Variants in MFHAS1 observed in about 807,000 individuals in gnomAD.
The protein encoded by MFHAS1 is multifunctional ROCO family signaling regulator 1.
In MFHAS1, 50 loss-of-function variants were observed where a neutral mutation model predicts 70.4. The observed-to-expected ratio is 0.71, with a 90% CI of 0.57 to 0.90. The LOEUF (loss-of-function observed/expected upper bound fraction) is 0.90. Among genes scored for constraint, MFHAS1 ranks in the 40% least tolerant of loss-of-function variants. MFHAS1 has a pLI of 0.00. For synonymous variants in MFHAS1, 952 were observed against 620.0 expected (o/e 1.54, Z -7.96); for missense variants, 1,795 against 1,347.6 (o/e 1.33, Z -5.20).
At position 8,891,577 on chromosome 8, in the gene MFHAS1, T is replaced by G. The variant is rs1166265712; in HGVS notation, c.1482A>C (p.Pro494=). The part of the protein sequence containing the change: ...YEVIQPFFLS[P]GALYVLVVNL... ...TGACCACCAGCACGTATAGGGCCCC[T>G]GGGGACAGGAAGAAGGGCTGGATCA... The change falls in exon 1 of 3, where the codon CCA becomes CCC. Residue 494 remains proline (P), a synonymous_variant. Coordinates refer to ENST00000276282, the MANE Select transcript of MFHAS1 (RefSeq NM_004225.3). The surrounding 1 kb of genome is among the most constrained non-coding windows in gnomAD (Gnocchi z 5.4). 6.2e-7 allele frequency: 1 copy of G among 1,613,250 alleles called. No individual in the cohort carries two copies. The highest frequency in any genetic ancestry group is 2.2e-5 in the East Asian group (1 of 44,872).
At chr8:8,863,562 T>C (rs1808744615) in intron 1 of MFHAS1, among the ~76,000 whole-genome samples, 1 of 152,208 alleles carries the variant, frequency 6.6e-6, no homozygotes, top group African/African-American at 2.4e-5. Context: ...CTTGCACCCG[T>C]GGTCTCTAGT....
intron 1 of MFHAS1, among the ~76,000 whole-genome samples, chr8:8,826,195 C>T (rs1238361523): frequency 6.6e-6 from 1 of 152,040 alleles, no homozygotes; most frequent in Non-Finnish European, 1.5e-5. Context: ...GAGGTAACTA[C>T]TGTTACCCAT....
intron 1 of MFHAS1, among the ~76,000 whole-genome samples, chr8:8,830,615 C>G (rs1190748319): frequency 1.3e-5 from 2 of 152,116 alleles, no homozygotes; most frequent in African/African-American, 4.8e-5. Context: ...CTATATATTT[C>G]TTTTTGAGAT....
rs1316063034 is a variant in MFHAS1 at position 8,801,684 on chromosome 8, G to T, written c.2999-4193C>A. ...ACATAAACTTGATCTTCAAAATAAA[G>T]TGCATTATTTCACTGAGTAACTAAC... On this transcript the variant is annotated intron_variant, in intron 1 of 2. Transcript: ENST00000276282. Among the ~76,000 whole-genome samples, 5 of 152,146 alleles carry T rather than the reference G, an allele frequency of 3.3e-5. 1 individual carries two copies. Among genetic ancestry groups the T allele is most frequent in the Admixed American group, 2.0e-4 (3 of 15,276 alleles).
chr8:8,843,186 G>A (rs1285887198), intron 1 of MFHAS1, among the ~76,000 whole-genome samples: 17 of 151,906 alleles, frequency 1.1e-4, no homozygotes, highest in African/African-American at 2.7e-4. Flanking sequence ...GGAGAATGGC[G>A]TGAACCCCGG....
intron 1 of MFHAS1, among the ~76,000 whole-genome samples, chr8:8,828,800 A>G (rs992495588): frequency 2.6e-5 from 4 of 152,222 alleles, no homozygotes; most frequent in African/African-American, 9.7e-5. Flanking sequence ...AGCATTGAGC[A>G]AAAGTGGAGA....
At position 8,841,462 on chromosome 8, in the gene MFHAS1, C is replaced by G. The variant is rs1436245799; in HGVS notation, c.2999-43971G>C. On this transcript the variant is annotated intron_variant, in intron 1 of 2. Coordinates refer to ENST00000276282, the MANE Select transcript of MFHAS1 (RefSeq NM_004225.3). ...CAGCCTGGGCGACAGATCAAGACTT[C>G]GTCTCAAAAAAAAAAAAAGACTTCT... Among the ~76,000 whole-genome samples, 33 of 131,162 alleles carry G rather than the reference C, an allele frequency of 2.5e-4. No individual in the cohort carries two copies. In the East Asian group the frequency reaches 6.4e-3, roughly 25 times the overall value. The allele number at this position is 131,162 out of a possible 152,430, so 86.0% of individuals were successfully genotyped here. A position where few individuals can be genotyped will look rare whatever the true frequency, so the allele number is the denominator to read the frequency against.
At chr8:8,869,269 C>T (rs1311604999) in intron 1 of MFHAS1, among the ~76,000 whole-genome samples, 1 of 152,202 alleles carries the variant, frequency 6.6e-6, no homozygotes, top group Non-Finnish European at 1.5e-5. Flanking sequence ...AACCACATCT[C>T]TTCAGTGCAT....
At position 8,890,602 on chromosome 8, in the gene MFHAS1, C is replaced by G; in HGVS notation, c.2457G>C (p.Leu819=). ...PHVQAQQDLQ[L]LLELLEKMGL... ...CCATCTTCTCCAGCAGCTCCAGCAACAGCTGCAAGTCCTGCTGGGCCTGGA... is the reference window on the plus strand; with the variant it reads ...CCATCTTCTCCAGCAGCTCCAGCAAGAGCTGCAAGTCCTGCTGGGCCTGGA... The change falls in exon 1 of 3, where the codon CTG becomes CTC. Residue 819 remains leucine (L), a synonymous_variant. Transcript: ENST00000276282. 6.2e-7 allele frequency: 1 copy of G among 1,613,926 alleles called. No homozygotes were observed. Among genetic ancestry groups the G allele is most frequent in the South Asian group, 1.1e-5 (1 of 91,080 alleles).
chr8:8,892,417 G>A lies in MFHAS1; in HGVS notation c.642C>T (p.Asn214=), dbSNP rs201309863. The part of the protein sequence containing the change: ...VALEELDVSS[N]RLRGLPEDIS... ...TATCCTCAGGCAGGCCCCGCAGCCG[G>A]TTGCTGGACACGTCCAGCTCCTCCA... is the stretch of plus-strand genomic sequence containing the variant. The change falls in exon 1 of 3, where the codon AAC becomes AAT. Residue 214 remains asparagine (N), a synonymous_variant. Coordinates refer to ENST00000276282, the MANE Select transcript of MFHAS1 (RefSeq NM_004225.3). The surrounding 1 kb of genome is among the most constrained non-coding windows in gnomAD (Gnocchi z 4.7). The A allele has an allele frequency of 3.1e-6, 5 of 1,613,066 alleles. No homozygotes were observed. In the Admixed American group the frequency reaches 5.0e-5, roughly 16 times the overall value.
chr8:8,818,099 T>A (rs1236028197), intron 1 of MFHAS1, among the ~76,000 whole-genome samples: 1 of 152,172 alleles, frequency 6.6e-6, no homozygotes, highest in Non-Finnish European at 1.5e-5. Flanking sequence ...TCTTTCAGAA[T>A]GTTCTAAGTT....
rs1472480872 is a variant in MFHAS1, at chr8:8,785,750, T to C, written c.*272A>G. The C allele has an allele frequency of 3.4e-5, 12 of 351,416 alleles. No individual in the cohort carries two copies. Among genetic ancestry groups the C allele is most frequent in the Admixed American group, 8.4e-5 (2 of 23,804 alleles). 21.8% of individuals were successfully genotyped at this position (351,416 alleles called of 1,614,324 possible). On this transcript the variant is annotated 3_prime_UTR_variant, in exon 3 of 3. Coordinates refer to ENST00000276282, the MANE Select transcript of MFHAS1 (RefSeq NM_004225.3). ...GAAGCCATTCGACTTTTTTTTTTTT[T>C]TTTTCTTTTCTTCAAGTAGCGCGCT...
In MFHAS1 at chr8:8,892,743, C is replaced by T; in HGVS notation, c.316G>A (p.Val106Met). 1 of 1,574,494 alleles carries T rather than the reference C, an allele frequency of 6.4e-7. No individual in the cohort carries two copies. Among genetic ancestry groups the T allele is most frequent in the South Asian group, 1.2e-5 (1 of 86,090 alleles). Residue 106 changes from valine to methionine, a missense_variant, in exon 1 of 3, where the codon GTG becomes ATG. Transcript: ENST00000276282. This position sits in a 1 kb window ranked among gnomAD's most constrained non-coding sequence, Gnocchi z 4.7. ...RNRFARLPPA[V>M]AELGHHLTEL... The stretch of plus-strand genomic sequence containing the variant: ...GTGAGGTGGTGGCCGAGCTCGGCCA[C>T]CGCCGGGGGCAGCCGGGCGAAGCGG...
In MFHAS1 at chr8:8,785,901, G is replaced by C; in HGVS notation, c.*121C>G. 2.5e-5 allele frequency: 15 copies of C among 590,068 alleles called. No homozygotes were observed. Among genetic ancestry groups the C allele is most frequent in the East Asian group, 6.8e-5 (1 of 14,714 alleles). The allele number at this position is 590,068 out of a possible 1,614,324, so 36.6% of individuals were successfully genotyped here. ...CGTCCAAAAAGCACCCTGCAAGCAC[G>C]CGTTGTCACTCAAGTTCACAGAACA... is the stretch of plus-strand genomic sequence containing the variant. On this transcript the variant is annotated 3_prime_UTR_variant, in exon 3 of 3. Transcript: ENST00000276282.
At chr8:8,792,355 C>T (rs897198032) in intron 2 of MFHAS1, among the ~76,000 whole-genome samples, 2 of 152,130 alleles carry the variant, frequency 1.3e-5, no homozygotes, top group Admixed American at 6.5e-5. Context: ...AATCCTAGCA[C>T]TTTGGGAGGC....
At chr8:8,791,199 C>T (rs185427934) in intron 2 of MFHAS1, among the ~76,000 whole-genome samples, 1 of 146,944 alleles carries the variant, frequency 6.8e-6, no homozygotes, top group African/African-American at 2.5e-5. Flanking sequence ...CTTCTTCAGT[C>T]TCAGAACTCC....
intron 2 of MFHAS1, among the ~76,000 whole-genome samples, chr8:8,787,605 G>T (rs934821493): frequency 2.0e-5 from 3 of 152,188 alleles, no homozygotes; most frequent in Middle Eastern, 3.2e-3. Flanking sequence ...TCCCAGAAGA[G>T]AGGGTTTTGA....
chr8:8,813,032 G>C (rs142358092), intron 1 of MFHAS1, among the ~76,000 whole-genome samples: 379 of 152,296 alleles, frequency 2.5e-3, no homozygotes, highest in African/African-American at 8.5e-3. Flanking sequence ...CTCCCAAAGT[G>C]CTGGGATTAC....
rs146683029 is a variant in MFHAS1 at position 8,890,121 on chromosome 8, C to A, written c.2938G>T (p.Val980Leu). Reference sequence around the variant, plus strand: ...AGGCACTTAGAACAGAGAATGTGCACGGTGTAGTGCAGTCCAGGCCATTCC... The same window carrying A: ...AGGCACTTAGAACAGAGAATGTGCAAGGTGTAGTGCAGTCCAGGCCATTCC... ...LQEWPGLHYT[V>L]HILCSKCLKR... The change falls in exon 1 of 3, where the codon GTG becomes TTG. Residue 980 changes from valine (V) to leucine (L), a missense_variant. Physicochemically the swap from Val to Leu is conservative, Grantham distance 32 (BLOSUM62 1). Coordinates refer to ENST00000276282, the MANE Select transcript of MFHAS1 (RefSeq NM_004225.3). 1.2e-6 allele frequency: 2 copies of A among 1,613,866 alleles called. No individual in the cohort carries two copies. Among genetic ancestry groups the A allele is most frequent in the Admixed American group, 1.7e-5 (1 of 59,980 alleles).
Sources: allele counts gnomAD v4.1 joint callset (sites outside exome capture counted in the v4.1 genomes callset), GRCh38; gene constraint gnomAD v4.1.1; non-coding constraint Gnocchi (gnomAD v3.1); transcripts MANE v1.5; gene names NCBI Gene and HGNC (gene_info 2026-07-23, HGNC 2026-07-21).